The following BRDT variants were observed in gnomAD, a reference collection of about 807,000 sequenced individuals.
BRDT encodes the protein bromodomain testis-specific protein.
BRDT carries 77 observed loss-of-function variants against 113.9 expected under a neutral mutation model. The observed-to-expected ratio is 0.68, with a 90% CI of 0.56 to 0.82. BRDT has a LOEUF of 0.82. Among genes scored for constraint, BRDT ranks in the 40% least tolerant of loss-of-function variants. BRDT has a pLI of 0.00. For synonymous variants in BRDT, 358 were observed against 366.5 expected (o/e 0.98, Z 0.26); for missense variants, 1,027 against 1,105.4 (o/e 0.93, Z 1.01).
chr1:91,990,613 T>C (rs1265151551), intron 12 of BRDT, among the ~76,000 whole-genome samples: 2 of 152,202 alleles, frequency 1.3e-5, no homozygotes, highest in Admixed American at 6.5e-5. Flanking sequence ...ACTGCGCTTT[T>C]TGGCCTAAAC....
chr1:91,957,897 T>G (rs75869477), intron 1 of BRDT, among the ~76,000 whole-genome samples: 39 of 152,150 alleles, frequency 2.6e-4, no homozygotes, highest in African/African-American at 9.4e-4. Flanking sequence ...GGCTGGAGTT[T>G]AGTAGGGCCA....
intron 18 of BRDT, among the ~76,000 whole-genome samples, chr1:92,009,656 C>A (rs1036118260): frequency 2.7e-5 from 4 of 150,810 alleles, no homozygotes; most frequent in Admixed American, 6.6e-5. Flanking sequence ...CTCAAGCGAT[C>A]CTCCTACCCC....
chr1:91,973,758 A>AAT (rs1441552929), intron 4 of BRDT, among the ~76,000 whole-genome samples: 1 of 152,126 alleles, frequency 6.6e-6, no homozygotes, highest in Non-Finnish European at 1.5e-5. Flanking sequence ...TTCCTAATTG[A>AAT]ATACCCTTTA....
intron 18 of BRDT, among the ~76,000 whole-genome samples, chr1:92,006,640 G>A (rs61538708): frequency 0.067 from 10,139 of 151,796 alleles, 398 homozygotes; most frequent in African/African-American, 0.096. Context: ...CTAATGTTTT[G>A]TATTTTTAAT....
chr1:91,995,064 T>G (rs1686173081), intron 15 of BRDT, among the ~76,000 whole-genome samples: 1 of 152,084 alleles, frequency 6.6e-6, no homozygotes, highest in African/African-American at 2.4e-5. Flanking sequence ...ACTTAATATC[T>G]TATCAGAAGG....
intron 16 of BRDT, 95 bp from the exon 17 acceptor site, chr1:92,004,319 A>G: frequency 1.3e-6 from 1 of 768,250 alleles, no homozygotes. Context: ...TAGAATCTTA[A>G]TTAGATCTAT....
Position 91,969,010 on chromosome 1 carries a change from C to T in BRDT, c.445+750C>T, listed in dbSNP as rs531055590. On this transcript the variant is annotated intron_variant, in intron 4 of 18. Coordinates refer to ENST00000399546, the MANE Select transcript of BRDT (RefSeq NM_207189.4). ...GGAGTGCAGTAGTGCGATCTCGGCT[C>T]ACTGCAAGCTCTGCCTCCCAGATTC... 9.2e-4 allele frequency among the ~76,000 whole-genome samples: 140 copies of T among 152,098 alleles called. 1 individual carries two copies. Among genetic ancestry groups the T allele is most frequent in the African/African-American group, 3.3e-3 (136 of 41,508 alleles).
chr1:91,977,386 C>T lies in BRDT; in HGVS notation c.962C>T (p.Thr321Ile), dbSNP rs1570520104. The change falls in exon 6 of 19, where the codon ACT (threonine) becomes ATT (isoleucine). Residue 321 changes from threonine to isoleucine, a missense_variant. Physicochemically the swap from Thr to Ile is moderately conservative, Grantham distance 89. Transcript: ENST00000399546. Reference protein sequence around the residue: ...DVVKNPMDLGTIKEKMDNQEY... With the variant: ...DVVKNPMDLGIIKEKMDNQEY... ...GTCAAAAATCCGATGGATCTTGGAA[C>T]TATTAAGGTAAATGTTGCCTTAAAA... The T allele has an allele frequency of 1.9e-6, 3 of 1,562,240 alleles. No homozygotes were observed. The highest frequency in any genetic ancestry group is 4.5e-5 in the East Asian group (2 of 44,006).
chr1:91,955,146 G>T (rs1681601823), intron 1 of BRDT, among the ~76,000 whole-genome samples: 2 of 152,138 alleles, frequency 1.3e-5, no homozygotes, highest in South Asian at 4.1e-4. Context: ...TAGACAAGTG[G>T]TTAGGACCCA....
intron 15 of BRDT, among the ~76,000 whole-genome samples, chr1:91,996,522 C>T (rs1191652678): frequency 6.6e-6 from 1 of 152,226 alleles, no homozygotes; most frequent in African/African-American, 2.4e-5. Flanking sequence ...TCTGGGATTA[C>T]AGGCGTGAGC....
At chr1:91,954,578 C>T (rs1421095860) in intron 1 of BRDT, among the ~76,000 whole-genome samples, 1 of 152,132 alleles carries the variant, frequency 6.6e-6, no homozygotes, top group Non-Finnish European at 1.5e-5. Context: ...CCGTGTATGA[C>T]CCATCTTTCT....
intron 1 of BRDT, among the ~76,000 whole-genome samples, chr1:91,955,597 C>G (rs1226516268): frequency 6.6e-6 from 1 of 152,064 alleles, no homozygotes; most frequent in African/African-American, 2.4e-5. Context: ...AGCTGTCTAG[C>G]ATAGAAATTT....
intron 16 of BRDT, among the ~76,000 whole-genome samples, chr1:92,002,592 TC>T: frequency 6.6e-6 from 1 of 152,322 alleles, no homozygotes; most frequent in East Asian, 1.9e-4. Context: ...GGTCTCAAAC[TC>T]CTGATCTTAG....
intron 15 of BRDT, among the ~76,000 whole-genome samples, chr1:92,000,637 G>A (rs552600458): frequency 2.0e-5 from 3 of 152,290 alleles, no homozygotes; most frequent in South Asian, 2.1e-4. Flanking sequence ...CCAGGATTTT[G>A]TTAGTTTGGG....
intron 12 of BRDT, among the ~76,000 whole-genome samples, chr1:91,986,037 A>C (rs1685208539): frequency 6.6e-6 from 1 of 152,228 alleles, no homozygotes; most frequent in South Asian, 2.1e-4. Context: ...TGGTGTCAGC[A>C]TATGCAGATA....
At chr1:91,993,745 G>C (rs953619060) in intron 14 of BRDT, among the ~76,000 whole-genome samples, 3 of 152,008 alleles carry the variant, frequency 2.0e-5, no homozygotes, top group African/African-American at 4.8e-5. Flanking sequence ...TTGTTTTTTA[G>C]TAATTACAGG....
chr1:92,007,428 C>T lies in BRDT; in HGVS notation c.2775+2129C>T, dbSNP rs138427324. Among the ~76,000 whole-genome samples the T allele has an allele frequency of 5.8e-3, 877 of 152,262 alleles. 10 individuals carry two copies. Among genetic ancestry groups the T allele is most frequent in the Admixed American group, 0.042 (636 of 15,288 alleles). ...AGTAGACCCCAGTGTCTGCTGTTTC[C>T]TTCTTTGTGTTCCTAAGTTCATATC... On this transcript the variant is annotated intron_variant, in intron 18 of 18. Transcript: ENST00000399546.
At chr1:92,011,480 C>CTT (rs1194959990) in intron 18 of BRDT, among the ~76,000 whole-genome samples, 4 of 149,072 alleles carry the variant, frequency 2.7e-5, no homozygotes, top group Non-Finnish European at 6.0e-5. Context: ...TAAAGTCTTT[C>CTT]TTTTTTTTTT....
At chr1:92,010,605 T>A (rs978101272) in intron 18 of BRDT, among the ~76,000 whole-genome samples, 55 of 152,248 alleles carry the variant, frequency 3.6e-4, no homozygotes, top group African/African-American at 1.3e-3. Flanking sequence ...TTAATTTTTT[T>A]AAAATTATTT....
Sources: allele counts gnomAD v4.1 joint callset (sites outside exome capture counted in the v4.1 genomes callset), GRCh38; gene constraint gnomAD v4.1.1; transcripts MANE v1.5; gene names NCBI Gene and HGNC (gene_info 2026-07-23, HGNC 2026-07-21).